ANOS1: variants seen among roughly 807,000 people sequenced by gnomAD.
ANOS1 encodes anosmin 1.
A neutral mutation model predicts 59.0 loss-of-function variants in ANOS1; 6 were observed. The observed-to-expected ratio is 0.10, with a 90% CI of 0.06 to 0.20. The LOEUF is 0.20. Ranked by LOEUF, ANOS1 falls within the 10% of genes least tolerant of loss-of-function variation. ANOS1 has a pLI of 1.00. For missense variants in ANOS1, 433 were observed against 542.3 expected, an observed-to-expected ratio of 0.80 and a Z score of 2.00; for synonymous variants, 217 against 223.4, an observed-to-expected ratio of 0.97 and a Z score of 0.25.
At chrX:8,566,369 ATG>A (rs780582473) in intron 8 of ANOS1, among the ~76,000 whole-genome samples, 83 of 111,403 alleles carry the variant, frequency 7.5e-4, no homozygotes, top group African/African-American at 2.7e-3. Context: ...ATGAGTATGT[ATG>A]TGTGTATAGT....
intron 3 of ANOS1, among the ~76,000 whole-genome samples, chrX:8,619,907 G>A (rs1455429542): frequency 8.9e-6 from 1 of 112,186 alleles, no homozygotes; most frequent in Non-Finnish European, 1.9e-5. Context: ...GATGAGTTTT[G>A]TAATATAATT....
At chrX:8,540,203 T>C (rs922813512) in intron 9 of ANOS1, among the ~76,000 whole-genome samples, 5 of 111,535 alleles carry the variant, frequency 4.5e-5, no homozygotes, top group Non-Finnish European at 9.4e-5. Context: ...CCTACCTTTT[T>C]TTTTGATAAA....
At chrX:8,693,384 T>C (rs112658095) in intron 2 of ANOS1, among the ~76,000 whole-genome samples, 4,638 of 111,721 alleles carry the variant, frequency 0.042, 248 homozygotes, top group African/African-American at 0.14. Context: ...ACTCTTAACA[T>C]AGTCAGTCCT....
chrX:8,544,266 G>T (rs867067984), intron 9 of ANOS1, among the ~76,000 whole-genome samples: 1 of 102,288 alleles, frequency 9.8e-6, no homozygotes, highest in Admixed American at 1.1e-4. Flanking sequence ...GCTTTAAAAA[G>T]AATTGTAAGT....
chrX:8,640,335 G>A (rs1229211730), intron 2 of ANOS1, among the ~76,000 whole-genome samples: 2 of 110,916 alleles, frequency 1.8e-5, no homozygotes, highest in East Asian at 2.9e-4. Context: ...GAAGGGAAGC[G>A]GGAAGAGGAG....
intron 1 of ANOS1, among the ~76,000 whole-genome samples, chrX:8,711,722 C>T (rs1190025568): frequency 8.9e-6 from 1 of 112,339 alleles, no homozygotes; most frequent in South Asian, 3.7e-4. Flanking sequence ...ATGCGATTAG[C>T]CATGGAGAAG....
At chrX:8,556,502 T>A (rs1412766974) in intron 8 of ANOS1, among the ~76,000 whole-genome samples, 1 of 111,913 alleles carries the variant, frequency 8.9e-6, no homozygotes. Context: ...ACAAAATCAA[T>A]GTGCAAAAAT....
At chrX:8,703,216 C>T (rs1189585571) in intron 1 of ANOS1, among the ~76,000 whole-genome samples, 1 of 111,993 alleles carries the variant, frequency 8.9e-6, no homozygotes, top group Admixed American at 9.5e-5. Context: ...AAGACATTAG[C>T]AAGGGAGGGC....
At chrX:8,702,584 C>T (rs1202687944) in intron 1 of ANOS1, among the ~76,000 whole-genome samples, 5 of 111,121 alleles carry the variant, frequency 4.5e-5, no homozygotes, top group Admixed American at 2.9e-4. Flanking sequence ...TGGCTAAAAT[C>T]CTAGGTATGT....
chrX:8,725,942 CA>C (rs1932916446), intron 1 of ANOS1, among the ~76,000 whole-genome samples: 1 of 109,702 alleles, frequency 9.1e-6, no homozygotes, highest in Non-Finnish European at 1.9e-5. Flanking sequence ...GGGTCAAATT[CA>C]GAACGTGTTA....
At chrX:8,564,351 T>G (rs1367490046) in intron 8 of ANOS1, among the ~76,000 whole-genome samples, 1 of 110,376 alleles carries the variant, frequency 9.1e-6, no homozygotes, top group Non-Finnish European at 1.9e-5. Context: ...TGAGAAAAAA[T>G]GTGGAAAGGA....
At chrX:8,577,171 G>A (rs1308321835) in intron 6 of ANOS1, among the ~76,000 whole-genome samples, 1 of 112,113 alleles carries the variant, frequency 8.9e-6, no homozygotes, top group South Asian at 3.7e-4. Context: ...CTCGACATGA[G>A]CACTGTTTAT....
chrX:8,610,397 T>C (rs12558022), intron 3 of ANOS1, among the ~76,000 whole-genome samples: 7,108 of 111,555 alleles, frequency 0.064, 230 homozygotes, highest in Admixed American at 0.13. Context: ...AAATCCACAG[T>C]GCAAGGAAGG....
intron 1 of ANOS1, among the ~76,000 whole-genome samples, chrX:8,717,321 T>A (rs1375675409): frequency 8.9e-6 from 1 of 111,967 alleles, no homozygotes; most frequent in East Asian, 2.8e-4. Context: ...TCCTGGATAA[T>A]AGAAAAATGA....
intron 3 of ANOS1, among the ~76,000 whole-genome samples, chrX:8,609,347 T>C (rs1931001141): frequency 8.9e-6 from 1 of 111,944 alleles, no homozygotes; most frequent in South Asian, 3.7e-4. Flanking sequence ...TATTTTCTGA[T>C]AAGCAACTGC....
At chrX:8,666,262 C>G (rs930954380) in intron 2 of ANOS1, among the ~76,000 whole-genome samples, 1 of 111,183 alleles carries the variant, frequency 9.0e-6, no homozygotes, top group Non-Finnish European at 1.9e-5. Context: ...ATTATATAAT[C>G]TTTGATGTAT....
At chrX:8,596,913 A>C (rs1016301951) in intron 4 of ANOS1, 121 bp downstream of exon 4, 9 of 1,082,438 alleles carry the variant, frequency 8.3e-6, no homozygotes, top group Admixed American at 7.9e-5. Flanking sequence ...GTATAAAATA[A>C]ATTTTCTAAA....
intron 2 of ANOS1, among the ~76,000 whole-genome samples, chrX:8,633,305 A>C (rs983449440): frequency 1.8e-5 from 2 of 111,770 alleles, no homozygotes; most frequent in Non-Finnish European, 3.8e-5. Flanking sequence ...CTTTTTCACA[A>C]CAAAGGGAGT....
rs1351644596 is a variant in ANOS1, at chrX:8,594,686, A to ATG, written c.541+2347_541+2348insCA. On this transcript the variant is annotated intron_variant, in intron 4 of 13. Coordinates refer to ENST00000262648, the MANE Select transcript of ANOS1 (RefSeq NM_000216.4). Reference sequence around the variant, plus strand: ...TATATATATATATATATATATATATATATATATATATACACATATATATAC... The same window carrying ATG: ...TATATATATATATATATATATATATATGTATATATATATACACATATATATAC... Among the ~76,000 whole-genome samples, 10 of 64,594 alleles carry ATG rather than the reference A, an allele frequency of 1.5e-4. No individual in the cohort carries two copies. The South Asian group carries it at 7.8e-3, about 50-fold the overall frequency. The allele number at this position is 64,594 out of a possible 115,157, so 56.1% of individuals were successfully genotyped here.
Sources: allele counts gnomAD v4.1 joint callset (sites outside exome capture counted in the v4.1 genomes callset), GRCh38; gene constraint gnomAD v4.1.1; transcripts MANE v1.5; gene names NCBI Gene and HGNC (gene_info 2026-07-23, HGNC 2026-07-21).